Variants in ARID1A observed in about 807,000 individuals in gnomAD.
ARID1A encodes AT-rich interaction domain 1A.
In ARID1A, 20 loss-of-function variants were observed where a neutral mutation model predicts 212.6. That is an observed-to-expected ratio of 0.09 (90% confidence interval 0.07 to 0.14). ARID1A has a LOEUF of 0.14. Ranked by LOEUF, ARID1A falls within the 10% of genes least tolerant of loss-of-function variation. The probability of loss-of-function intolerance (pLI) is 1.00; values close to 1 mark genes in which losing one functional copy is unlikely to be tolerated. For synonymous variants in ARID1A, 1,376 were observed against 1,222.1 expected, an observed-to-expected ratio of 1.13 and a Z score of -2.63; for missense variants, 2,587 against 3,059.0, an observed-to-expected ratio of 0.85 and a Z score of 3.64.
chr1:26,725,780 C>T (rs1236208461), intron 1 of ARID1A, among the ~76,000 whole-genome samples: 2 of 151,794 alleles, frequency 1.3e-5, no homozygotes, highest in Non-Finnish European at 2.9e-5. Context: ...GGTGACTTGT[C>T]CTTAGCCTTT....
intron 4 of ARID1A, among the ~76,000 whole-genome samples, chr1:26,738,916 GGCTGGAGGGCTGGAGT>G (rs2080760989): frequency 7.3e-6 from 1 of 136,980 alleles, no homozygotes; most frequent in Admixed American, 7.7e-5. Context: ...CTGTTGCCCA[GGCTGGAGGGCTGGAGT>G]GCTGGAGTAC....
Position 26,779,874 on chromosome 1 carries a change from A to G in ARID1A, c.5976A>G (p.Ser1992=). 1.2e-6 allele frequency: 2 copies of G among 1,614,112 alleles called. No individual in the cohort carries two copies. The change falls in exon 20 of 20, where the codon TCA becomes TCG. Residue 1992 remains serine, a synonymous_variant. Transcript: ENST00000324856. The part of the protein sequence containing the change: ...VCVSNTIRSL[S]FVPGNDFEMS... Reference sequence around the variant, plus strand: ...TGTCCAATACCATTCGAAGCCTGTCATTTGTGCCAGGCAATGACTTTGAGA... The same window carrying G: ...TGTCCAATACCATTCGAAGCCTGTCGTTTGTGCCAGGCAATGACTTTGAGA...
At chr1:26,768,800 G>A (rs1203066977) in intron 11 of ARID1A, among the ~76,000 whole-genome samples, 3 of 152,210 alleles carry the variant, frequency 2.0e-5, no homozygotes, top group East Asian at 1.9e-4. Flanking sequence ...GTGCCTTGCA[G>A]ACTTCCCTCC....
chr1:26,734,004 C>T (rs2080705059), intron 4 of ARID1A, among the ~76,000 whole-genome samples: 1 of 152,176 alleles, frequency 6.6e-6, no homozygotes. Flanking sequence ...CTTCTGAGGC[C>T]AGAATGCAGA....
intron 4 of ARID1A, among the ~76,000 whole-genome samples, chr1:26,757,387 G>A (rs934087760): frequency 2.0e-5 from 3 of 150,106 alleles, no homozygotes; most frequent in East Asian, 2.0e-4. Context: ...GGAGAATGGC[G>A]TGAACCCAGG....
intron 7 of ARID1A, 58 bp from the exon 8 acceptor site, chr1:26,762,915 A>G (rs2124066916): frequency 7.0e-7 from 1 of 1,428,306 alleles, no homozygotes; most frequent in South Asian, 1.4e-5. Context: ...TAGAGTTGAG[A>G]GATATTAGTG....
Position 26,775,153 on chromosome 1 carries a change from A to T in ARID1A, c.4926A>T (p.Pro1642=), listed in dbSNP as rs1570616988. The change falls in exon 18 of 20, where the codon CCA becomes CCT. Residue 1642 remains proline (P), a synonymous_variant. Coordinates refer to ENST00000324856, the MANE Select transcript of ARID1A (RefSeq NM_006015.6). ...TGATTCGGCGGGATATCACCTTCCCACCTGGCTCTGTTGAAGCCACACAGC... is the reference window on the plus strand; with the variant it reads ...TGATTCGGCGGGATATCACCTTCCCTCCTGGCTCTGTTGAAGCCACACAGC... ...PPMIRRDITF[P]PGSVEATQPV... 6.2e-7 allele frequency: 1 copy of T among 1,613,286 alleles called. No individual in the cohort carries two copies. Among genetic ancestry groups the T allele is most frequent in the Non-Finnish European group, 8.5e-7 (1 of 1,179,788 alleles).
chr1:26,769,386 G>A (rs997691421), intron 11 of ARID1A: 8 of 152,266 alleles, frequency 5.3e-5, no homozygotes, highest in Non-Finnish European at 1.2e-4. Flanking sequence ...CTATTTATAA[G>A]TTAGTTTGTG....
At chr1:26,748,843 T>C (rs1270189884) in intron 4 of ARID1A, among the ~76,000 whole-genome samples, 1 of 152,006 alleles carries the variant, frequency 6.6e-6, no homozygotes, top group Non-Finnish European at 1.5e-5. Flanking sequence ...AGAATCATCA[T>C]CATCATCTTT....
chr1:26,705,936 C>T (rs2080387963), intron 1 of ARID1A, among the ~76,000 whole-genome samples: 1 of 152,152 alleles, frequency 6.6e-6, no homozygotes, highest in African/African-American at 2.4e-5. Context: ...TTCCAACATG[C>T]TGCAGAGTAG....
Position 26,782,100 on chromosome 1 carries a change from G to C in ARID1A, c.*1344G>C, listed in dbSNP as rs976141554. On this transcript the variant is annotated 3_prime_UTR_variant, in exon 20 of 20. Coordinates refer to ENST00000324856, the MANE Select transcript of ARID1A (RefSeq NM_006015.6). ...TAAGAATAAATGTACATTAAATCTT[G>C]GTAAGACTTTTGTGAAGCTTTTTAT... 1.8e-5 allele frequency: 4 copies of C among 224,306 alleles called. No homozygotes were observed. Among genetic ancestry groups the C allele is most frequent in the Non-Finnish European group, 3.6e-5 (4 of 112,446 alleles). The allele number at this position is 224,306 out of a possible 1,614,324, so 13.9% of individuals were successfully genotyped here.
rs2124137033 is a variant in ARID1A at position 26,779,103 on chromosome 1, G to A, written c.5205G>A (p.Glu1735=). 1 of 1,540,810 alleles carries A rather than the reference G, an allele frequency of 6.5e-7. No homozygotes were observed. Among genetic ancestry groups the A allele is most frequent in the Non-Finnish European group, 8.7e-7 (1 of 1,143,320 alleles). ...IEIFGILKEY[E]VGDPGQRTLL... is the part of the protein sequence containing the mutation. ...TCTTTGGCATTTTAAAGGAGTATGA[G>A]GTGGGTGACCCAGGACAGAGAACGC... Residue 1735 remains glutamate (E), a synonymous_variant, in exon 20 of 20, where the codon GAG becomes GAA. Coordinates refer to ENST00000324856, the MANE Select transcript of ARID1A (RefSeq NM_006015.6).
chr1:26,771,049 G>C lies in ARID1A; in HGVS notation c.3199-70G>C. 7.2e-7 allele frequency: 1 copy of C among 1,398,014 alleles called. No individual in the cohort carries two copies. Among genetic ancestry groups the C allele is most frequent in the Non-Finnish European group, 1.0e-6 (1 of 987,344 alleles). The allele number at this position is 1,398,014 out of a possible 1,614,324, so 86.6% of individuals were successfully genotyped here. A position where few individuals can be genotyped will look rare whatever the true frequency, so the allele number is the denominator to read the frequency against. On this transcript the variant is annotated intron_variant, in intron 11 of 19. Transcript: ENST00000324856. This position sits in a 1 kb window ranked among gnomAD's most constrained non-coding sequence, Gnocchi z 5.4. ...AAGATGAATACCTTACAGCCTGATG[G>C]GGCTTGGGGCTTATGGGCAGGAAAA...
intron 4 of ARID1A, among the ~76,000 whole-genome samples, chr1:26,760,553 G>A (rs1382573118): frequency 1.3e-5 from 2 of 152,130 alleles, no homozygotes; most frequent in African/African-American, 4.8e-5. Context: ...GCCGGGCGTG[G>A]TGGTGCTTGC....
intron 4 of ARID1A, among the ~76,000 whole-genome samples, chr1:26,744,938 A>G (rs1357119475): frequency 1.3e-5 from 2 of 151,984 alleles, no homozygotes; most frequent in Non-Finnish European, 2.9e-5. Flanking sequence ...TTAAAGGCCT[A>G]AGGCTCCCCC....
In ARID1A at chr1:26,747,615, G is replaced by A. The variant is rs562956328; in HGVS notation, c.1921-13241G>A. 1.1e-4 allele frequency among the ~76,000 whole-genome samples: 17 copies of A among 151,760 alleles called. No individual in the cohort carries two copies. The South Asian group carries it at 3.3e-3, about 30-fold the overall frequency. On this transcript the variant is annotated intron_variant, in intron 4 of 19. Coordinates refer to ENST00000324856, the MANE Select transcript of ARID1A (RefSeq NM_006015.6). ...CCCAGCAGTGTGGGAGGCTGAGGCA[G>A]TAGGATTGCTTGAGGCCAGGAGCTG...
In ARID1A at chr1:26,767,782, C is replaced by T. The variant is rs2081051881; in HGVS notation, c.2989-8C>T. The T allele has an allele frequency of 6.2e-7, 1 of 1,609,222 alleles. No individual in the cohort carries two copies. The highest frequency in any genetic ancestry group is 8.5e-7 in the Non-Finnish European group (1 of 1,176,702). On this transcript the variant is annotated splice_polypyrimidine_tract_variant and splice_region_variant and intron_variant, in intron 10 of 19. Coordinates refer to ENST00000324856, the MANE Select transcript of ARID1A (RefSeq NM_006015.6). ...CCATTCCTATGAATTTTGACCTGAA[C>T]CTTCCAGAAATCCAGTTCTTCTACT...
chr1:26,696,024 C>T lies in ARID1A; in HGVS notation c.-380C>T. On this transcript the variant is annotated 5_prime_UTR_variant, in exon 1 of 20. Transcript: ENST00000324856. ...CCTCCCTCCCTCCCTCCTCCTTTCT[C>T]CGGCAGCAGAAAGCGGAGAGTCACA... is the stretch of plus-strand genomic sequence containing the variant. 1 of 813,518 alleles carries T rather than the reference C, an allele frequency of 1.2e-6. No homozygotes were observed. Among genetic ancestry groups the T allele is most frequent in the Non-Finnish European group, 1.5e-6 (1 of 674,316 alleles). 50.4% of individuals were successfully genotyped at this position (813,518 alleles called of 1,614,324 possible). A position where few individuals can be genotyped will look rare whatever the true frequency, so the allele number is the denominator to read the frequency against.
At chr1:26,705,208 G>A (rs2080377749) in intron 1 of ARID1A, among the ~76,000 whole-genome samples, 1 of 151,960 alleles carries the variant, frequency 6.6e-6, no homozygotes, top group Non-Finnish European at 1.5e-5. Flanking sequence ...GTGCAATCTG[G>A]CTCATTGCAA....
Sources: allele counts gnomAD v4.1 joint callset (sites outside exome capture counted in the v4.1 genomes callset), GRCh38; gene constraint gnomAD v4.1.1; non-coding constraint Gnocchi (gnomAD v3.1); transcripts MANE v1.5; gene names NCBI Gene and HGNC (gene_info 2026-07-23, HGNC 2026-07-21).